The following CTNNA2 variants were observed in gnomAD, a reference collection of about 807,000 sequenced individuals.
The protein encoded by CTNNA2 is catenin alpha 2.
Under a neutral mutation model 101.0 loss-of-function variants are expected in CTNNA2, and 42 were observed. The observed-to-expected ratio is 0.42, with a 90% CI of 0.32 to 0.54. The LOEUF is 0.54. Ranked by LOEUF, CTNNA2 falls within the 20% of genes least tolerant of loss-of-function variation. The pLI is 0.14. For missense variants in CTNNA2, 871 were observed against 1,223.1 expected, an observed-to-expected ratio of 0.71 and a Z score of 4.29; for synonymous variants, 450 against 456.4, an observed-to-expected ratio of 0.99 and a Z score of 0.18.
At chr2:80,000,563 G>A (rs943737015) in intron 7 of CTNNA2, among the ~76,000 whole-genome samples, 7 of 152,104 alleles carry the variant, frequency 4.6e-5, no homozygotes, top group African/African-American at 1.7e-4. Flanking sequence ...TTCACTGCCA[G>A]CCACTTCCCT....
intron 12 of CTNNA2, among the ~76,000 whole-genome samples, chr2:80,560,768 T>C (rs1185523741): frequency 6.6e-6 from 1 of 152,198 alleles, no homozygotes; most frequent in African/African-American, 2.4e-5. Flanking sequence ...TATTAGTCTT[T>C]TGACATTTAG....
At chr2:80,624,733 T>G (rs1344458649) in intron 18 of CTNNA2, among the ~76,000 whole-genome samples, 1 of 151,996 alleles carries the variant, frequency 6.6e-6, no homozygotes, top group Non-Finnish European at 1.5e-5. Context: ...CTGCCGTTAA[T>G]TTCAGTGTCT....
chr2:79,890,487 A>G (rs1295921852), intron 6 of CTNNA2, among the ~76,000 whole-genome samples: 1 of 152,082 alleles, frequency 6.6e-6, no homozygotes, highest in East Asian at 1.9e-4. Flanking sequence ...ACTTTAGCAG[A>G]TCCTATGAAA....
At chr2:80,294,469 G>T (rs1469177965) in intron 7 of CTNNA2, among the ~76,000 whole-genome samples, 1 of 151,402 alleles carries the variant, frequency 6.6e-6, no homozygotes, top group South Asian at 2.1e-4. Flanking sequence ...ACCCCATGGA[G>T]CCCTGACCCC....
intron 3 of CTNNA2, among the ~76,000 whole-genome samples, chr2:79,830,583 A>G (rs1020345538): frequency 6.6e-6 from 1 of 152,152 alleles, no homozygotes; most frequent in African/African-American, 2.4e-5. Context: ...GCAATTATTT[A>G]ATGTTCACCT....
chr2:80,466,052 G>T (rs775970068), intron 9 of CTNNA2, among the ~76,000 whole-genome samples: 3 of 152,090 alleles, frequency 2.0e-5, no homozygotes, highest in South Asian at 4.1e-4. Flanking sequence ...TGTTATTCCT[G>T]CCTGACCTTT....
chr2:79,758,348 AG>A (rs1208953283), intron 3 of CTNNA2, among the ~76,000 whole-genome samples: 1 of 152,220 alleles, frequency 6.6e-6, no homozygotes, highest in Non-Finnish European at 1.5e-5. Context: ...GATGCAAACC[AG>A]GCAGTCTTCA....
intron 7 of CTNNA2, among the ~76,000 whole-genome samples, chr2:80,347,003 G>A (rs979938099): frequency 1.3e-5 from 2 of 152,182 alleles, no homozygotes; most frequent in Non-Finnish European, 2.9e-5. Context: ...TTGAAGATCT[G>A]GACTTACATG....
chr2:80,118,508 G>A (rs1399181494), intron 7 of CTNNA2, among the ~76,000 whole-genome samples: 5 of 152,158 alleles, frequency 3.3e-5, no homozygotes, highest in Non-Finnish European at 7.3e-5. Flanking sequence ...TTGATTGCAG[G>A]TATCAGCACA....
intron 6 of CTNNA2, among the ~76,000 whole-genome samples, chr2:79,893,380 G>A (rs1684441287): frequency 6.6e-6 from 1 of 152,110 alleles, no homozygotes; most frequent in Admixed American, 6.5e-5. Context: ...AGAGGAGGAG[G>A]CTGCTGGTTC....
At chr2:79,756,727 A>G (rs58491813) in intron 3 of CTNNA2, among the ~76,000 whole-genome samples, 1,970 of 152,324 alleles carry the variant, frequency 0.013, 36 homozygotes, top group African/African-American at 0.044. Context: ...ATTGCACAAG[A>G]TAACCAGTAA....
intron 7 of CTNNA2, among the ~76,000 whole-genome samples, chr2:80,336,238 T>C (rs566625420): frequency 7.9e-5 from 12 of 152,266 alleles, no homozygotes; most frequent in African/African-American, 2.9e-4. Flanking sequence ...CACCATATTC[T>C]TATAGGGTGA....
At chr2:80,499,030 C>T (rs561408296) in intron 9 of CTNNA2, among the ~76,000 whole-genome samples, 42 of 152,210 alleles carry the variant, frequency 2.8e-4, no homozygotes, top group Middle Eastern at 6.8e-3. Flanking sequence ...TTGCCCTGTT[C>T]GTAGATTGAG....
chr2:79,218,913 TAAAGG>T (rs958753069), intron 2 of CTNNA2, among the ~76,000 whole-genome samples: 5 of 152,098 alleles, frequency 3.3e-5, no homozygotes, highest in African/African-American at 1.2e-4. Flanking sequence ...AAATGGAAAA[TAAAGG>T]AAAGTTCTAA....
chr2:79,258,283 T>A (rs1020111011), intron 2 of CTNNA2, among the ~76,000 whole-genome samples: 3 of 152,196 alleles, frequency 2.0e-5, no homozygotes, highest in African/African-American at 7.2e-5. Flanking sequence ...CTTGAAGCAA[T>A]TAGAATATTT....
chr2:79,912,785 C>T (rs1343223449), intron 7 of CTNNA2, among the ~76,000 whole-genome samples: 2 of 152,124 alleles, frequency 1.3e-5, no homozygotes, highest in Non-Finnish European at 2.9e-5. Flanking sequence ...GGGATGAGTG[C>T]CGTCAGTGTG....
chr2:80,154,108 A>G (rs1450014474), intron 7 of CTNNA2, among the ~76,000 whole-genome samples: 1 of 152,222 alleles, frequency 6.6e-6, no homozygotes, highest in Non-Finnish European at 1.5e-5. Context: ...TATAAATATT[A>G]GCTATGACCT....
intron 7 of CTNNA2, among the ~76,000 whole-genome samples, chr2:79,952,790 C>T (rs1468496332): frequency 6.6e-6 from 1 of 152,152 alleles, no homozygotes; most frequent in Non-Finnish European, 1.5e-5. Context: ...TTTCACACTA[C>T]AAGGGCAGAG....
intron 9 of CTNNA2, among the ~76,000 whole-genome samples, chr2:80,540,737 C>A (rs1371960486): frequency 6.6e-6 from 1 of 152,054 alleles, no homozygotes; most frequent in Non-Finnish European, 1.5e-5. Context: ...CTCTGTCACC[C>A]AGGCCACAGT....
Sources: gnomAD v4.1 joint callset for allele counts (sites outside exome capture counted in the v4.1 genomes callset) on GRCh38, gnomAD v4.1.1 for gene constraint, MANE v1.5 for transcripts, NCBI Gene and HGNC (gene_info 2026-07-23, HGNC 2026-07-21) for gene names.